The following UBE2K variants were observed in gnomAD, a reference collection of about 807,000 sequenced individuals.
UBE2K encodes the protein ubiquitin conjugating enzyme E2 K.
In UBE2K, 6 loss-of-function variants were observed where a neutral mutation model predicts 30.0. The observed-to-expected ratio is 0.20, with a 90% CI of 0.11 to 0.39. The LOEUF (loss-of-function observed/expected upper bound fraction) is 0.39, where lower values mean the gene tolerates loss of function less well. Among genes scored for constraint, UBE2K ranks in the 10% least tolerant of loss-of-function variants. The pLI is 1.00. For missense variants in UBE2K, 61 were observed against 241.6 expected (o/e 0.25, Z 4.96); for synonymous variants, 86 against 83.7 (o/e 1.03, Z -0.15).
chr4:39,771,346 C>T lies in UBE2K; in HGVS notation c.300-3488C>T, dbSNP rs1712816207. On this transcript the variant is annotated intron_variant, in intron 4 of 6. Transcript: ENST00000261427. Reference sequence around the variant, plus strand: ...GGCCACAATGGTCACGTCGCAGAACCACTCCTCTGCCCGGAGCTTGTTCAT... The same window carrying T: ...GGCCACAATGGTCACGTCGCAGAACTACTCCTCTGCCCGGAGCTTGTTCAT... 2.5e-6 allele frequency: 4 copies of T among 1,612,596 alleles called. No homozygotes were observed. The Admixed American group carries it at 5.0e-5, about 20-fold the overall frequency.
At chr4:39,722,644 G>A (rs1719488799) in intron 1 of UBE2K, among the ~76,000 whole-genome samples, 1 of 152,028 alleles carries the variant, frequency 6.6e-6, no homozygotes, top group African/African-American at 2.4e-5. Context: ...TGGAATTTGG[G>A]AAGAAACCTG....
At chr4:39,743,368 C>G (rs1284266652) in intron 2 of UBE2K, among the ~76,000 whole-genome samples, 1 of 152,118 alleles carries the variant, frequency 6.6e-6, no homozygotes, top group Non-Finnish European at 1.5e-5. Context: ...CTTTGGGAGG[C>G]CGAGGCGGGT....
chr4:39,744,981 ATCTC>A (rs1461690380), intron 2 of UBE2K, among the ~76,000 whole-genome samples: 3 of 141,054 alleles, frequency 2.1e-5, no homozygotes, highest in African/African-American at 9.2e-5. Context: ...CTTTATGTCT[ATCTC>A]TCTTGTTGAA....
At chr4:39,756,911 T>G (rs562990434) in intron 4 of UBE2K, among the ~76,000 whole-genome samples, 3 of 152,010 alleles carry the variant, frequency 2.0e-5, no homozygotes, top group African/African-American at 7.2e-5. Flanking sequence ...GCCAAAACTG[T>G]GTTTAATGGG....
chr4:39,714,524 A>C lies in UBE2K; in HGVS notation c.63+16134A>C, dbSNP rs1442307100. On this transcript the variant is annotated intron_variant, in intron 1 of 6. Transcript: ENST00000261427. ...CTTGTCTTTTAGAAGTTTCATATATATATATATATATATATATATATATAT... is the reference window on the plus strand; with the variant it reads ...CTTGTCTTTTAGAAGTTTCATATATCTATATATATATATATATATATATAT... 2.7e-3 allele frequency: 79 copies of C among 29,536 alleles called. 10 individuals carry two copies. Among genetic ancestry groups the C allele is most frequent in the African/African-American group, 0.016 (72 of 4,592 alleles). The allele number at this position is 29,536 out of a possible 1,614,324, so 1.8% of individuals were successfully genotyped here. A position where few individuals can be genotyped will look rare whatever the true frequency, so the allele number is the denominator to read the frequency against.
intron 1 of UBE2K, among the ~76,000 whole-genome samples, chr4:39,725,880 C>T (rs1393201495): frequency 6.6e-6 from 1 of 152,128 alleles, no homozygotes; most frequent in Non-Finnish European, 1.5e-5. Context: ...TGGGCTCAAG[C>T]AGTCTGTCCA....
intron 3 of UBE2K, among the ~76,000 whole-genome samples, chr4:39,749,925 G>A (rs919428445): frequency 3.9e-5 from 6 of 152,172 alleles, no homozygotes; most frequent in South Asian, 4.1e-4. Flanking sequence ...ACGGCCAGGC[G>A]CGGTGGCTCA....
At chr4:39,728,819 TTTTTTTTG>T (rs1316645858) in intron 1 of UBE2K, among the ~76,000 whole-genome samples, 10 of 120,182 alleles carry the variant, frequency 8.3e-5, no homozygotes, top group Non-Finnish European at 1.1e-4. Flanking sequence ...GTTTTTTTTG[TTTTTTTTG>T]TTTTTTTTTT....
chr4:39,731,174 T>C (rs867131800), intron 1 of UBE2K, among the ~76,000 whole-genome samples: 4 of 152,048 alleles, frequency 2.6e-5, no homozygotes, highest in Non-Finnish European at 4.4e-5. Context: ...ATTACAGGCA[T>C]GAGCCACGGC....
chr4:39,726,286 G>A (rs536510194), intron 1 of UBE2K, among the ~76,000 whole-genome samples: 7 of 151,708 alleles, frequency 4.6e-5, no homozygotes, highest in Non-Finnish European at 7.4e-5. Context: ...GTGAGCCATC[G>A]TGCCTGGCCT....
chr4:39,773,152 A>G (rs985320374), intron 4 of UBE2K, among the ~76,000 whole-genome samples: 11 of 152,046 alleles, frequency 7.2e-5, no homozygotes, highest in African/African-American at 2.7e-4. Flanking sequence ...CTGTTTCAGA[A>G]TGTTATGGAA....
At chr4:39,738,760 C>T (rs1041283539) in intron 2 of UBE2K, among the ~76,000 whole-genome samples, 1 of 152,074 alleles carries the variant, frequency 6.6e-6, no homozygotes, top group African/African-American at 2.4e-5. Context: ...TCACTGCATC[C>T]TCCATCTCCC....
At chr4:39,771,424 C>G in intron 4 of UBE2K, 1 of 1,600,384 alleles carries the variant, frequency 6.2e-7, no homozygotes, top group Middle Eastern at 1.7e-4. Flanking sequence ...CAGGACTTCA[C>G]CCCAGAGGCC....
chr4:39,730,810 C>CTTTTTTTTT, intron 1 of UBE2K, among the ~76,000 whole-genome samples: 1 of 89,650 alleles, frequency 1.1e-5, no homozygotes, highest in Admixed American at 1.5e-4. Context: ...GCTATAGCTT[C>CTTTTTTTTT]TTTTTTTTTT....
chr4:39,746,901 T>C (rs1181863836), intron 3 of UBE2K, among the ~76,000 whole-genome samples: 2 of 152,224 alleles, frequency 1.3e-5, no homozygotes, highest in African/African-American at 2.4e-5. Context: ...TCATGTATTA[T>C]TTTGGATATG....
chr4:39,709,270 T>C (rs1354929255), intron 1 of UBE2K, among the ~76,000 whole-genome samples: 1 of 152,094 alleles, frequency 6.6e-6, no homozygotes, highest in Non-Finnish European at 1.5e-5. Context: ...TATAAAGGTA[T>C]TGTTCAATGG....
At chr4:39,713,972 C>G (rs1303450051) in intron 1 of UBE2K, 1 of 152,112 alleles carries the variant, frequency 6.6e-6, no homozygotes, top group African/African-American at 2.4e-5. Context: ...CTGCTGCAAC[C>G]TCAACCTCCT....
At chr4:39,730,701 T>A (rs2109340316) in intron 1 of UBE2K, among the ~76,000 whole-genome samples, 2 of 151,640 alleles carry the variant, frequency 1.3e-5, no homozygotes, top group Middle Eastern at 3.4e-3. Flanking sequence ...CCCCAAGAGG[T>A]GGAGTTTGCA....
chr4:39,706,347 A>G (rs954302283), intron 1 of UBE2K, among the ~76,000 whole-genome samples: 2 of 151,730 alleles, frequency 1.3e-5, no homozygotes, highest in African/African-American at 4.8e-5. Context: ...TAGTTTTAGT[A>G]GAGACAGGGT....
Sources: allele counts gnomAD v4.1 joint callset (sites outside exome capture counted in the v4.1 genomes callset), GRCh38; gene constraint gnomAD v4.1.1; transcripts MANE v1.5; gene names NCBI Gene and HGNC (gene_info 2026-07-23, HGNC 2026-07-21).